The following GGN variants were observed in gnomAD, a reference collection of about 807,000 sequenced individuals.
GGN encodes the protein gametogenetin.
Under a neutral mutation model 35.5 loss-of-function variants are expected in GGN, and 27 were observed. The ratio of observed to expected loss-of-function variants is 0.76; its 90% CI spans 0.56 to 1.05. The LOEUF (loss-of-function observed/expected upper bound fraction) is 1.05, where lower values mean the gene tolerates loss of function less well. Among genes scored for constraint, GGN ranks in the 50% least tolerant of loss-of-function variants. The pLI is 0.00. For missense variants in GGN, 1,006 were observed against 940.7 expected (o/e 1.07, Z -0.91); for synonymous variants, 425 against 444.1 (o/e 0.96, Z 0.54).
chr19:38,385,376 A>T, intron 3 of GGN, 45 bp downstream of exon 3: 4 of 1,611,476 alleles, frequency 2.5e-6, no homozygotes, highest in Non-Finnish European at 2.5e-6. Flanking sequence ...GACTCTATCC[A>T]GCAGTCTGGG....
Position 38,387,074 on chromosome 19 carries a change from G to T in GGN, c.188C>A (p.Pro63His). ...CGAGGGTGAGGCCTGGGGCTCCCGG[G>T]GTACCATGAGTCCCGGGGGTGTGGC... is the stretch of plus-strand genomic sequence containing the variant. ...GSATPPGLMV[P>H]REPQASPSTL... is the part of the protein sequence containing the mutation. Residue 63 changes from proline (P) to histidine (H), a missense_variant, in exon 3 of 4, where the codon CCC (proline) becomes CAC (histidine). Transcript: ENST00000334928. This position sits in a 1 kb window ranked among gnomAD's most constrained non-coding sequence, Gnocchi z 5.3. The T allele has an allele frequency of 6.4e-7, 1 of 1,557,908 alleles. No individual in the cohort carries two copies. The highest frequency in any genetic ancestry group is 8.7e-7 in the Non-Finnish European group (1 of 1,150,612).
At position 38,386,228 on chromosome 19, in the gene GGN, G is replaced by T. The variant is rs757986644; in HGVS notation, c.1034C>A (p.Pro345Gln). The part of the protein sequence containing the change: ...ALPPPPYTTF[P>Q]GSKPKFDWVS... ...CCAGTCGAATTTGGGCTTCGAGCCTGGGAAGGTGGTGTAGGGTGGCGGCGG... is the reference window on the plus strand; with the variant it reads ...CCAGTCGAATTTGGGCTTCGAGCCTTGGAAGGTGGTGTAGGGTGGCGGCGG... The change falls in exon 3 of 4, where the codon CCA (proline) becomes CAA (glutamine). Residue 345 changes from proline to glutamine, a missense_variant. By Grantham distance (76) the Pro-to-Gln change is moderately conservative. Coordinates refer to ENST00000334928, the MANE Select transcript of GGN (RefSeq NM_152657.4). 6.2e-7 allele frequency: 1 copy of T among 1,608,832 alleles called. No individual in the cohort carries two copies. Among genetic ancestry groups the T allele is most frequent in the East Asian group, 2.2e-5 (1 of 44,834 alleles).
rs1373030559 is a variant in GGN at position 38,386,167 on chromosome 19, G to A, written c.1095C>T (p.Arg365=). The A allele has an allele frequency of 1.3e-6, 2 of 1,594,428 alleles. No individual in the cohort carries two copies. The highest frequency in any genetic ancestry group is 1.7e-6 in the Non-Finnish European group (2 of 1,175,244). ...CGATGCCTCCGCCAGCCCCGTTGAA[G>A]CGGAAGTGGCGTTCAGGGCCGTCGG... is the stretch of plus-strand genomic sequence containing the variant. ...SAPDGPERHF[R]FNGAGGGIGA... The change falls in exon 3 of 4, where the codon CGC becomes CGT. Residue 365 remains arginine, a synonymous_variant. Coordinates refer to ENST00000334928, the MANE Select transcript of GGN (RefSeq NM_152657.4).
In GGN at chr19:38,386,859, C is replaced by T; in HGVS notation, c.403G>A (p.Asp135Asn). 6.3e-7 allele frequency: 1 copy of T among 1,593,086 alleles called. No individual in the cohort carries two copies. Among genetic ancestry groups the T allele is most frequent in the Non-Finnish European group, 8.5e-7 (1 of 1,169,964 alleles). Residue 135 changes from aspartate to asparagine, a missense_variant, in exon 3 of 4, where the codon GAC becomes AAC. By Grantham distance (23) the Asp-to-Asn change is conservative (BLOSUM62 1). Coordinates refer to ENST00000334928, the MANE Select transcript of GGN (RefSeq NM_152657.4). ...LLEASHRGQGDPPSLRPLKPP... is the reference protein window; with the variant it reads ...LLEASHRGQGNPPSLRPLKPP... ...TTCAGCGGGCGGAGGCTCGGAGGGT[C>T]GCCCTGGCCGCGATGGCTCGCCTCC... is the stretch of plus-strand genomic sequence containing the variant.
At position 38,385,034 on chromosome 19, in the gene GGN, C is replaced by T. The variant is rs569732547; in HGVS notation, c.1841+387G>A. 3.4e-3 allele frequency among the ~76,000 whole-genome samples: 515 copies of T among 152,310 alleles called. 5 individuals carry two copies. Among genetic ancestry groups the T allele is most frequent in the African/African-American group, 0.012 (482 of 41,558 alleles). The stretch of plus-strand genomic sequence containing the variant: ...CTACCCCCATTTAGTTCCAGGAAGA[C>T]AGTCATCCCCTCACCCCCATCCCTG... On this transcript the variant is annotated intron_variant, in intron 3 of 3. Coordinates refer to ENST00000334928, the MANE Select transcript of GGN (RefSeq NM_152657.4).
In GGN at chr19:38,387,008, G is replaced by A. The variant is rs1025347636; in HGVS notation, c.254C>T (p.Pro85Leu). ...LTLERPSPVMPPPEEAAAVSA... is the reference protein window; with the variant it reads ...LTLERPSPVMLPPEEAAAVSA... The stretch of plus-strand genomic sequence containing the variant: ...GACCGCGGCCGCCTCTTCAGGAGGG[G>A]GCATCACTGGAGAGGGCCGTTCTAA... Residue 85 changes from proline to leucine, a missense_variant, in exon 3 of 4, where the codon CCC becomes CTC. Coordinates refer to ENST00000334928, the MANE Select transcript of GGN (RefSeq NM_152657.4). The surrounding 1 kb of genome is among the most constrained non-coding windows in gnomAD (Gnocchi z 5.3). 3.2e-6 allele frequency: 5 copies of A among 1,543,498 alleles called. No homozygotes were observed. In the African/African-American group the frequency reaches 4.1e-5, roughly 13 times the overall value.
chr19:38,385,551 G>A lies in GGN; in HGVS notation c.1711C>T (p.Gln571Ter), dbSNP rs1970694628. ...GCGCGGGTGTTAGCTGCCCCAGTCT[G>A]AGAGGCCCCGCTGCCACCACCCCCT... is the stretch of plus-strand genomic sequence containing the variant. The part of the protein sequence containing the change: ...GGGGGGSGAS[Q>*]TGAANTRAAR... Residue 571 changes from glutamine to a stop codon, truncating the protein, a stop_gained, in exon 3 of 4, where the codon CAG (glutamine) becomes TAG (stop). Coordinates refer to ENST00000334928, the MANE Select transcript of GGN (RefSeq NM_152657.4). LOFTEE classifies it high-confidence loss of function. 1 of 1,614,090 alleles carries A rather than the reference G, an allele frequency of 6.2e-7. No homozygotes were observed. Among genetic ancestry groups the A allele is most frequent in the East Asian group, 2.2e-5 (1 of 44,886 alleles).
rs1294862635 is a variant in GGN at position 38,386,169 on chromosome 19, G to C, written c.1093C>G (p.Arg365Gly). Residue 365 changes from arginine to glycine, a missense_variant, in exon 3 of 4, where the codon CGC becomes GGC. Arg to Gly is a moderately radical substitution (Grantham distance 125). Transcript: ENST00000334928. ...SAPDGPERHF[R>G]FNGAGGGIGA... ...ATGCCTCCGCCAGCCCCGTTGAAGC[G>C]GAAGTGGCGTTCAGGGCCGTCGGGA... 4.4e-6 allele frequency: 7 copies of C among 1,595,278 alleles called. No individual in the cohort carries two copies. In the African/African-American group the frequency reaches 6.7e-5, roughly 15 times the overall value.
At chr19:38,384,659 T>TAGG in intron 3 of GGN, 130 bp from the exon 4 acceptor site, 1 of 681,670 alleles carries the variant, frequency 1.5e-6, no homozygotes, top group Non-Finnish European at 2.5e-6. Context: ...AAAGGCAGTT[T>TAGG]AGGGCAGGGC....
rs1489673840 is a variant in GGN, at chr19:38,385,803, C to CTGGG, written c.1455_1458dup (p.Ala487ProfsTer21). 1 of 1,543,312 alleles carries CTGGG rather than the reference C, an allele frequency of 6.5e-7. No individual in the cohort carries two copies. The highest frequency in any genetic ancestry group is 8.7e-7 in the Non-Finnish European group (1 of 1,149,350). On this transcript the variant is annotated frameshift_variant, in exon 3 of 4. Transcript: ENST00000334928. LOFTEE classifies it high-confidence loss of function. ...GCCGGGGCCTGGTCGGCGGCTAAGG[C>CTGGG]TGGGGGCAGAGCAGGGGCTGCGGTG... is the stretch of plus-strand genomic sequence containing the variant.
In GGN at chr19:38,384,326, G is replaced by T; in HGVS notation, c.*86C>A. 1.0e-6 allele frequency: 1 copy of T among 962,578 alleles called. No homozygotes were observed. Among genetic ancestry groups the T allele is most frequent in the Non-Finnish European group, 1.7e-6 (1 of 600,600 alleles). 59.6% of individuals were successfully genotyped at this position (962,578 alleles called of 1,614,324 possible). ...CCTGCTGCACCCTACCCACTGCCTTGGCGAGTGATTGACAGGCTGCTGGCA... is the reference window on the plus strand; with the variant it reads ...CCTGCTGCACCCTACCCACTGCCTTTGCGAGTGATTGACAGGCTGCTGGCA... On this transcript the variant is annotated 3_prime_UTR_variant, in exon 4 of 4. Coordinates refer to ENST00000334928, the MANE Select transcript of GGN (RefSeq NM_152657.4).
rs1970729415 is a variant in GGN at position 38,386,611 on chromosome 19, G to C, written c.651C>G (p.Arg217=). 1 of 1,612,784 alleles carries C rather than the reference G, an allele frequency of 6.2e-7. No individual in the cohort carries two copies. Among genetic ancestry groups the C allele is most frequent in the Non-Finnish European group, 8.5e-7 (1 of 1,179,486 alleles). The change falls in exon 3 of 4, where the codon CGC becomes CGG. Residue 217 remains arginine (R), a synonymous_variant. Transcript: ENST00000334928. The part of the protein sequence containing the change: ...RNQGQTAGRA[R]GGAPPHAGEG... ...CGCCCGCATGGGGAGGCGCCCCTCCGCGAGCCCTGCCGGCCGTCTGGCCCT... is the reference window on the plus strand; with the variant it reads ...CGCCCGCATGGGGAGGCGCCCCTCCCCGAGCCCTGCCGGCCGTCTGGCCCT...
chr19:38,384,581 A>G lies in GGN; in HGVS notation c.1842-52T>C, dbSNP rs762282300. On this transcript the variant is annotated intron_variant, in intron 3 of 3. Coordinates refer to ENST00000334928, the MANE Select transcript of GGN (RefSeq NM_152657.4). ...AGCCCAGCAATGGGACCAGGCCTCT[A>G]GCCCTTCTAGGGCCTCCCTGTCCCC... 45 of 1,344,968 alleles carry G rather than the reference A, an allele frequency of 3.3e-5. No homozygotes were observed. The South Asian group carries it at 5.3e-4, about 16-fold the overall frequency. The allele number at this position is 1,344,968 out of a possible 1,614,324, so 83.3% of individuals were successfully genotyped here. A position where few individuals can be genotyped will look rare whatever the true frequency, so the allele number is the denominator to read the frequency against.
Position 38,385,772 on chromosome 19 carries a change from G to GATGGGGCCGGGGCCGGGGCCGGGT in GGN, c.1489_1490insACCCGGCCCCGGCCCCGGCCCCAT (p.Pro496_Ser497insTyrProAlaProAlaProAlaPro), listed in dbSNP as rs1568390607. ...AGCCACGGTGGGAGCTGGAGCCGGG[G>GATGGGGCCGGGGCCGGGGCCGGGT]ATGGGGCCGGGGCCTGGTCGGCGGC... On this transcript the variant is annotated inframe_insertion, in exon 3 of 4. Transcript: ENST00000334928. 9 of 1,575,056 alleles carry GATGGGGCCGGGGCCGGGGCCGGGT rather than the reference G, an allele frequency of 5.7e-6. No individual in the cohort carries two copies.
chr19:38,385,418 C>T lies in GGN; in HGVS notation c.1841+3G>A. The T allele has an allele frequency of 6.2e-7, 1 of 1,613,806 alleles. No homozygotes were observed. The highest frequency in any genetic ancestry group is 8.5e-7 in the Non-Finnish European group (1 of 1,180,032). On this transcript the variant is annotated splice_donor_region_variant and intron_variant, in intron 3 of 3. Transcript: ENST00000334928. ...CACCCTCCTGTCCCTTCTCCCCTCT[C>T]ACCAGGCAGAGACGTTGCGTGGCAG...
In GGN at chr19:38,386,078, T is replaced by C. The variant is rs1970714171; in HGVS notation, c.1184A>G (p.Glu395Gly). 6.3e-7 allele frequency: 1 copy of C among 1,588,904 alleles called. No individual in the cohort carries two copies. Among genetic ancestry groups the C allele is most frequent in the South Asian group, 1.1e-5 (1 of 88,044 alleles). ...GPWGSPPPPPEQIHSAPGPRR... is the reference protein window; with the variant it reads ...GPWGSPPPPPGQIHSAPGPRR... The stretch of plus-strand genomic sequence containing the variant: ...GGGCCCGGGAGCTGAGTGTATCTGC[T>C]CTGGTGGTGGCGGAGGGGAGCCCCA... The change falls in exon 3 of 4, where the codon GAG (glutamate) becomes GGG (glycine). Residue 395 changes from glutamate to glycine, a missense_variant. Physicochemically the swap from Glu to Gly is moderately conservative, Grantham distance 98. Coordinates refer to ENST00000334928, the MANE Select transcript of GGN (RefSeq NM_152657.4).
chr19:38,384,307 G>T lies in GGN; in HGVS notation c.*105C>A. 3 of 816,486 alleles carry T rather than the reference G, an allele frequency of 3.7e-6. No homozygotes were observed. Among genetic ancestry groups the T allele is most frequent in the South Asian group, 1.5e-5 (1 of 66,286 alleles). The allele number at this position is 816,486 out of a possible 1,614,324, so 50.6% of individuals were successfully genotyped here. A position where few individuals can be genotyped will look rare whatever the true frequency, so the allele number is the denominator to read the frequency against. On this transcript the variant is annotated 3_prime_UTR_variant, in exon 4 of 4. Transcript: ENST00000334928. Reference sequence around the variant, plus strand: ...GCTTTAATGGCGATCCTGCCCTGCTGCACCCTACCCACTGCCTTGGCGAGT... The same window carrying T: ...GCTTTAATGGCGATCCTGCCCTGCTTCACCCTACCCACTGCCTTGGCGAGT...
rs1433314512 is a variant in GGN at position 38,385,615 on chromosome 19, G to T, written c.1647C>A (p.Arg549=). ...RKDGLHGDGP[R]ERATATVPDS... is the part of the protein sequence containing the mutation. ...CAGGCACGGTAGCTGTAGCTCGTTC[G>T]CGAGGACCATCTCCATGCAAGCCAT... is the stretch of plus-strand genomic sequence containing the variant. Residue 549 remains arginine (R), a synonymous_variant, in exon 3 of 4, where the codon CGC becomes CGA. Coordinates refer to ENST00000334928, the MANE Select transcript of GGN (RefSeq NM_152657.4). The T allele has an allele frequency of 4.3e-6, 7 of 1,614,002 alleles. No homozygotes were observed. The highest frequency in any genetic ancestry group is 2.2e-5 in the East Asian group (1 of 44,900).
In GGN at chr19:38,387,954, G is replaced by C. The variant is rs1029632049; in HGVS notation, c.-82+21C>G. 1 of 153,962 alleles carries C rather than the reference G, an allele frequency of 6.5e-6. No individual in the cohort carries two copies. The highest frequency in any genetic ancestry group is 2.4e-5 in the African/African-American group (1 of 41,234). The allele number at this position is 153,962 out of a possible 1,614,324, so 9.5% of individuals were successfully genotyped here. A position where few individuals can be genotyped will look rare whatever the true frequency, so the allele number is the denominator to read the frequency against. On this transcript the variant is annotated intron_variant, in intron 1 of 3. Transcript: ENST00000334928. The surrounding 1 kb of genome is among the most constrained non-coding windows in gnomAD (Gnocchi z 5.3). ...GGCCCCGCCCTCCTGCGAGCCCGCG[G>C]GAGCCCGGCCCCTTACGAACCTAGG...
Sources: gnomAD v4.1 joint callset for allele counts (sites outside exome capture counted in the v4.1 genomes callset) on GRCh38, gnomAD v4.1.1 for gene constraint, Gnocchi (gnomAD v3.1) non-coding constraint, MANE v1.5 for transcripts, NCBI Gene and HGNC (gene_info 2026-07-23, HGNC 2026-07-21) for gene names.